ZNF462: variants seen among roughly 807,000 people sequenced by gnomAD.
The protein encoded by ZNF462 is zinc finger protein 462, also known as zinc finger PBX1-interacting protein.
ZNF462 carries 10 observed loss-of-function variants against 201.9 expected under a neutral mutation model. The observed-to-expected ratio is 0.05, with a 90% confidence interval of 0.03 to 0.08. The LOEUF (loss-of-function observed/expected upper bound fraction) is 0.08. ZNF462 is among the 10% of genes least tolerant of loss of function. The pLI is 1.00. For missense variants in ZNF462, 2,523 were observed against 3,168.3 expected (o/e 0.80, Z 4.89); for synonymous variants, 1,227 against 1,193.3 (o/e 1.03, Z -0.58).
At position 106,923,667 on chromosome 9, in the gene ZNF462, G is replaced by A; in HGVS notation, c.220+64G>A. The stretch of plus-strand genomic sequence containing the variant: ...AATTGCTCTTGTTTCCTTTTAGCCT[G>A]TAGCCATGGTTCTTAATATACGTGG... On this transcript the variant is annotated intron_variant, in intron 2 of 12. Transcript: ENST00000277225. This position sits in a 1 kb window ranked among gnomAD's most constrained non-coding sequence, Gnocchi z 5.6. 6 of 1,542,252 alleles carry A rather than the reference G, an allele frequency of 3.9e-6. No homozygotes were observed. Among genetic ancestry groups the A allele is most frequent in the East Asian group, 2.3e-5 (1 of 44,338 alleles).
In ZNF462 at chr9:106,886,729, A is replaced by T. The variant is rs1309837203; in HGVS notation, c.-31+23374A>T. On this transcript the variant is annotated intron_variant, in intron 1 of 12. Transcript: ENST00000277225. This position sits in a 1 kb window ranked among gnomAD's most constrained non-coding sequence, Gnocchi z 4.6. Reference sequence around the variant, plus strand: ...GTTAGTTAAGGAAGCCTGAAATGGAATATCAGTTTTCTGCCCTGGTGATCC... The same window carrying T: ...GTTAGTTAAGGAAGCCTGAAATGGATTATCAGTTTTCTGCCCTGGTGATCC... 6.6e-6 allele frequency among the ~76,000 whole-genome samples: 1 copy of T among 152,162 alleles called. No individual in the cohort carries two copies. The highest frequency in any genetic ancestry group is 1.5e-5 in the Non-Finnish European group (1 of 68,022).
chr9:106,868,137 G>A (rs895491812), intron 1 of ZNF462, among the ~76,000 whole-genome samples: 68 of 151,972 alleles, frequency 4.5e-4, no homozygotes, highest in African/African-American at 1.6e-3. Flanking sequence ...TACTTATGGA[G>A]TATGATGGCT....
Position 106,890,234 on chromosome 9 carries a change from G to A in ZNF462, c.-31+26879G>A, listed in dbSNP as rs1828515442. On this transcript the variant is annotated intron_variant, in intron 1 of 12. Transcript: ENST00000277225. The surrounding 1 kb of genome is among the most constrained non-coding windows in gnomAD (Gnocchi z 4.2). ...CGTGGCCTTGACTGAGCTGTGTATG[G>A]CCTCACTCTTCAATTCTGTTGTCAG... Among the ~76,000 whole-genome samples, 1 of 152,166 alleles carries A rather than the reference G, an allele frequency of 6.6e-6. No individual in the cohort carries two copies. Among genetic ancestry groups the A allele is most frequent in the East Asian group, 1.9e-4 (1 of 5,196 alleles).
rs1205619470 is a variant in ZNF462, at chr9:106,927,060, C to G, written c.3148C>G (p.Gln1050Glu). ...PNMHSVLVHYQKKHPEEKASY... is the reference protein window; with the variant it reads ...PNMHSVLVHYEKKHPEEKASY... Reference sequence around the variant, plus strand: ...CATGCATTCTGTCTTGGTTCATTATCAGAAGAAACACCCCGAAGAAAAGGC... The same window carrying G: ...CATGCATTCTGTCTTGGTTCATTATGAGAAGAAACACCCCGAAGAAAAGGC... Residue 1050 changes from glutamine to glutamate, a missense_variant, in exon 3 of 13, where the codon CAG (glutamine) becomes GAG (glutamate). Around this residue, in one of 15 missense-constraint regions of ZNF462, gnomAD observed 280 missense variants for 321.3 expected, o/e 0.87. Transcript: ENST00000277225. The G allele has an allele frequency of 1.2e-6, 2 of 1,613,684 alleles. No individual in the cohort carries two copies. Among genetic ancestry groups the G allele is most frequent in the East Asian group, 2.2e-5 (1 of 44,892 alleles).
chr9:107,007,324 C>A (rs1829618250), intron 11 of ZNF462, among the ~76,000 whole-genome samples: 1 of 152,148 alleles, frequency 6.6e-6, no homozygotes, highest in South Asian at 2.1e-4. Flanking sequence ...GGCAGACCTC[C>A]TTATTTTACC....
In ZNF462 at chr9:107,008,004, C is replaced by T. The variant is rs1829682960; in HGVS notation, c.7190-1541C>T. 6.6e-6 allele frequency among the ~76,000 whole-genome samples: 1 copy of T among 152,146 alleles called. No individual in the cohort carries two copies. The highest frequency in any genetic ancestry group is 2.1e-4 in the South Asian group (1 of 4,824). ...TCGCAGCCACCCCACTCCCTACCTC[C>T]TTTCTAAATGCAAGTGCCGGACTGA... is the stretch of plus-strand genomic sequence containing the variant. On this transcript the variant is annotated intron_variant, in intron 11 of 12. Transcript: ENST00000277225. The surrounding 1 kb of genome is among the most constrained non-coding windows in gnomAD (Gnocchi z 4.8).
intron 1 of ZNF462, among the ~76,000 whole-genome samples, chr9:106,889,297 C>T (rs1828467475): frequency 6.6e-6 from 1 of 152,214 alleles, no homozygotes; most frequent in Non-Finnish European, 1.5e-5. Flanking sequence ...GTAAAACTTT[C>T]CTGTCTCTCC....
intron 10 of ZNF462, among the ~76,000 whole-genome samples, chr9:106,988,142 T>A (rs947670552): frequency 6.6e-6 from 1 of 152,112 alleles, no homozygotes; most frequent in Admixed American, 6.6e-5. Context: ...TACCTGAGAC[T>A]GGGCAATTTA....
rs1830028317 is a variant in ZNF462, at chr9:107,013,291, T to C, written c.*2261T>C. The C allele has an allele frequency of 6.6e-6, 1 of 152,200 alleles. No homozygotes were observed. Among genetic ancestry groups the C allele is most frequent in the African/African-American group, 2.4e-5 (1 of 41,464 alleles). The allele number at this position is 152,200 out of a possible 1,614,324, so 9.4% of individuals were successfully genotyped here. On this transcript the variant is annotated 3_prime_UTR_variant, in exon 13 of 13. Coordinates refer to ENST00000277225, the MANE Select transcript of ZNF462 (RefSeq NM_021224.6). ...GTCATTTTTTTCTTTTTCAAACATA[T>C]ACCTGATATTTTGTGGCCGCACATT...
rs1830387701 is a variant in ZNF462, at chr9:106,930,669, G to C, written c.5992G>C (p.Ala1998Pro). The C allele has an allele frequency of 4.3e-6, 7 of 1,614,020 alleles. No individual in the cohort carries two copies. Among genetic ancestry groups the C allele is most frequent in the Non-Finnish European group, 5.9e-6 (7 of 1,180,024 alleles). ...RKHVQYGNVP[A>P]VSAAVKGLRS... ...GCACGTCCAGTATGGCAATGTCCCA[G>C]CTGTGTCAGCTGCTGTGAAGGTGAG... is the stretch of plus-strand genomic sequence containing the variant. Residue 1998 changes from alanine (A) to proline (P), a missense_variant, in exon 4 of 13, where the codon GCT becomes CCT. Transcript: ENST00000277225. The surrounding 1 kb of genome is among the most constrained non-coding windows in gnomAD (Gnocchi z 5.8).
rs1007841156 is a variant in ZNF462, at chr9:107,009,654, G to C, written c.7299G>C (p.Val2433=). The C allele has an allele frequency of 6.2e-7, 1 of 1,613,230 alleles. No individual in the cohort carries two copies. Among genetic ancestry groups the C allele is most frequent in the African/African-American group, 1.3e-5 (1 of 74,814 alleles). ...FSQGSEWERH[V]LRHGMALNDT... Reference sequence around the variant, plus strand: ...AGGGCTCTGAGTGGGAAAGACATGTGCTGAGACACGGCATGTAAGTTGGGC... The same window carrying C: ...AGGGCTCTGAGTGGGAAAGACATGTCCTGAGACACGGCATGTAAGTTGGGC... The change falls in exon 12 of 13, where the codon GTG becomes GTC. Residue 2433 remains valine, a synonymous_variant. Coordinates refer to ENST00000277225, the MANE Select transcript of ZNF462 (RefSeq NM_021224.6). The surrounding 1 kb of genome is among the most constrained non-coding windows in gnomAD (Gnocchi z 6.1).
intron 8 of ZNF462, among the ~76,000 whole-genome samples, chr9:106,973,530 G>A (rs1321566934): frequency 6.6e-6 from 1 of 152,218 alleles, no homozygotes; most frequent in Non-Finnish European, 1.5e-5. Context: ...TCACAAGAAA[G>A]GGTCCCTGCC....
chr9:106,943,383 C>T (rs919210393), intron 7 of ZNF462, among the ~76,000 whole-genome samples: 1 of 152,162 alleles, frequency 6.6e-6, no homozygotes, highest in Non-Finnish European at 1.5e-5. Context: ...TCTGTCATAT[C>T]AAAGTCTTCA....
chr9:106,928,642 A>G lies in ZNF462; in HGVS notation c.4730A>G (p.Tyr1577Cys). 2 of 1,614,160 alleles carry G rather than the reference A, an allele frequency of 1.2e-6. No individual in the cohort carries two copies. The change falls in exon 3 of 13, where the codon TAC becomes TGC. Residue 1577 changes from tyrosine (Y) to cysteine (C), a missense_variant. This residue lies in a region of ZNF462 where 200 missense variants were observed against 281.3 expected (regional missense o/e 0.71). Coordinates refer to ENST00000277225, the MANE Select transcript of ZNF462 (RefSeq NM_021224.6). This position sits in a 1 kb window ranked among gnomAD's most constrained non-coding sequence, Gnocchi z 9.3. ...ATCTTCAAGCAAGGGTATGGCGCCT[A>G]CCGGTGCAAACTGTGTCCGTACACA... ...SRIFKQGYGA[Y>C]RCKLCPYTHG...
chr9:106,950,984 G>A lies in ZNF462; in HGVS notation c.6427+11877G>A, dbSNP rs371267873. ...GAGCGCCTGTAATTCCAGCCACTCC[G>A]GAGGCTGAGGTGGGAGAATTGCTTG... On this transcript the variant is annotated intron_variant, in intron 7 of 12. Coordinates refer to ENST00000277225, the MANE Select transcript of ZNF462 (RefSeq NM_021224.6). The surrounding 1 kb of genome is among the most constrained non-coding windows in gnomAD (Gnocchi z 4.1). 1.2e-3 allele frequency among the ~76,000 whole-genome samples: 183 copies of A among 152,058 alleles called. No individual in the cohort carries two copies. Among genetic ancestry groups the A allele is most frequent in the Middle Eastern group, 0.01 (3 of 294 alleles).
intron 10 of ZNF462, among the ~76,000 whole-genome samples, chr9:107,000,824 A>C (rs183825154): frequency 8.3e-4 from 127 of 152,218 alleles, no homozygotes; most frequent in African/African-American, 2.7e-3. Context: ...ATGAGGGGGA[A>C]AAAAATAACA....
intron 10 of ZNF462, among the ~76,000 whole-genome samples, chr9:106,986,976 C>CATAGATAGATAG (rs55877241): frequency 3.0e-3 from 433 of 143,446 alleles, no homozygotes; most frequent in Admixed American, 4.1e-3. Flanking sequence ...AGTATTCCAT[C>CATAGATAGATAG]ATAGATAGAT....
At chr9:106,945,476 A>G (rs998078925) in intron 7 of ZNF462, among the ~76,000 whole-genome samples, 2 of 152,172 alleles carry the variant, frequency 1.3e-5, no homozygotes, top group African/African-American at 4.8e-5. Flanking sequence ...TCCAATTGCA[A>G]TCAGATTAAA....
At chr9:106,893,084 A>G (rs1200606589) in intron 1 of ZNF462, among the ~76,000 whole-genome samples, 2 of 152,220 alleles carry the variant, frequency 1.3e-5, no homozygotes, top group Non-Finnish European at 2.9e-5. Flanking sequence ...CTTGCCTTAC[A>G]TTGATTTGCA....
Sources: gnomAD v4.1 joint callset for allele counts (sites outside exome capture counted in the v4.1 genomes callset) on GRCh38, gnomAD v4.1.1 for gene constraint, gnomAD v4.1.1 regional missense constraint, Gnocchi (gnomAD v3.1) non-coding constraint, MANE v1.5 for transcripts, NCBI Gene and HGNC (gene_info 2026-07-23, HGNC 2026-07-21) for gene names.